Variants in IL12RB2 observed in about 807,000 individuals in gnomAD.
IL12RB2 encodes interleukin-12 receptor subunit beta-2.
A neutral mutation model predicts 89.4 loss-of-function variants in IL12RB2; 82 were observed. The observed-to-expected ratio is 0.92, with a 90% CI of 0.77 to 1.10. The LOEUF (loss-of-function observed/expected upper bound fraction) is 1.10. Ranked by LOEUF, IL12RB2 falls within the 50% of genes least tolerant of loss-of-function variation. IL12RB2 has a pLI of 0.00. For synonymous variants in IL12RB2, 368 were observed against 370.1 expected, an observed-to-expected ratio of 0.99 and a Z score of 0.07; for missense variants, 963 against 1,031.9, an observed-to-expected ratio of 0.93 and a Z score of 0.92.
intron 1 of IL12RB2, among the ~76,000 whole-genome samples, chr1:67,313,245 G>A (rs900926151): frequency 1.8e-4 from 26 of 141,384 alleles, no homozygotes; most frequent in African/African-American, 5.7e-4. Flanking sequence ...TTGTATGTGC[G>A]CTGAGTTTTG....
rs1290174148 is a variant in IL12RB2 at position 67,321,682 on chromosome 1, T to C, written c.157T>C (p.Leu53=). The C allele has an allele frequency of 6.2e-7, 1 of 1,605,918 alleles. No homozygotes were observed. The highest frequency in any genetic ancestry group is 8.5e-7 in the Non-Finnish European group (1 of 1,172,640). The stretch of plus-strand genomic sequence containing the variant: ...ATCCACTGTCAATATTACATGCTCT[T>C]TGAAGCCCAGACAAGGCTGCTTTCA... ...LGSTVNITCS[L]KPRQGCFHYS... Residue 53 remains leucine (L), a synonymous_variant, in exon 4 of 17, where the codon TTG becomes CTG. Transcript: ENST00000674203.
intron 4 of IL12RB2, 113 bp downstream of exon 4, chr1:67,322,002 C>T (rs552562806): frequency 2.0e-4 from 187 of 927,264 alleles, no homozygotes; most frequent in Non-Finnish European, 3.1e-4. Context: ...TTTCTTTTCC[C>T]ACCACATTGA....
chr1:67,382,443 C>G (rs1178172409), intron 14 of IL12RB2, among the ~76,000 whole-genome samples: 1 of 149,510 alleles, frequency 6.7e-6, no homozygotes, highest in Non-Finnish European at 1.5e-5. Flanking sequence ...CTTGTTGTAA[C>G]TCATCAGTGG....
rs937086164 is a variant in IL12RB2, at chr1:67,314,573, A to G, written c.-37+573A>G. Among the ~76,000 whole-genome samples the G allele has an allele frequency of 1.8e-4, 28 of 152,318 alleles. No individual in the cohort carries two copies. The South Asian group carries it at 2.9e-3, about 16-fold the overall frequency. ...CATTCACCTTTTTCTTTTCCTTAAT[A>G]CCACTATTTCCCTTGACCTTAATAC... is the stretch of plus-strand genomic sequence containing the variant. On this transcript the variant is annotated intron_variant, in intron 2 of 16. Coordinates refer to ENST00000674203, the MANE Select transcript of IL12RB2 (RefSeq NM_001374259.2).
chr1:67,370,033 A>C (rs1349060029), intron 11 of IL12RB2, among the ~76,000 whole-genome samples: 1 of 151,862 alleles, frequency 6.6e-6, no homozygotes, highest in Admixed American at 6.6e-5. Context: ...AAAAAAAAAA[A>C]AAACAATATA....
chr1:67,335,854 G>A (rs1428000631), intron 8 of IL12RB2, among the ~76,000 whole-genome samples: 5 of 152,138 alleles, frequency 3.3e-5, no homozygotes, highest in African/African-American at 4.8e-5. Context: ...TCTCTCCCAT[G>A]AAGGTATACA....
In IL12RB2 at chr1:67,351,036, C is replaced by T. The variant is rs1211868014; in HGVS notation, c.1205C>T (p.Ser402Leu). 6.2e-7 allele frequency: 1 copy of T among 1,613,748 alleles called. No homozygotes were observed. Among genetic ancestry groups the T allele is most frequent in the East Asian group, 2.2e-5 (1 of 44,900 alleles). ...NWAVAVSAANSKGSSLPTRIN... is the reference protein window; with the variant it reads ...NWAVAVSAANLKGSSLPTRIN... ...GCTGTGGCTGTGTCTGCAGCAAATTCAAAAGGCAGTTCTCTGCCCACTCGT... is the reference window on the plus strand; with the variant it reads ...GCTGTGGCTGTGTCTGCAGCAAATTTAAAAGGCAGTTCTCTGCCCACTCGT... Residue 402 changes from serine to leucine, a missense_variant, in exon 10 of 17, where the codon TCA becomes TTA. Physicochemically the swap from Ser to Leu is moderately radical, Grantham distance 145. Transcript: ENST00000674203.
At chr1:67,307,681 G>A (rs1192952448), upstream of IL12RB2, 2 of 152,426 alleles carry the variant, frequency 1.3e-5, no homozygotes, top group East Asian at 3.9e-4. Flanking sequence ...GCGCCCGCCC[G>A]GCTGCGCTTC....
Position 67,396,484 on chromosome 1 carries a change from G to A in IL12RB2, c.*395G>A. 1 of 349,932 alleles carries A rather than the reference G, an allele frequency of 2.9e-6. No individual in the cohort carries two copies. The highest frequency in any genetic ancestry group is 7.1e-5 in the East Asian group (1 of 14,142). The allele number at this position is 349,932 out of a possible 1,614,324, so 21.7% of individuals were successfully genotyped here. The stretch of plus-strand genomic sequence containing the variant: ...TTTCTAAAGCACCTGCTACACAGCA[G>A]GCTGTACACAGCAGATCAGTACTGT... On this transcript the variant is annotated 3_prime_UTR_variant, in exon 17 of 17. Coordinates refer to ENST00000674203, the MANE Select transcript of IL12RB2 (RefSeq NM_001374259.2).
rs191377276 is a variant in IL12RB2, at chr1:67,328,252, T to A, written c.532T>A (p.Cys178Ser). Residue 178 changes from cysteine to serine, a missense_variant, in exon 6 of 17, where the codon TGT (cysteine) becomes AGT (serine). By Grantham distance (112) the Cys-to-Ser change is moderately radical. Transcript: ENST00000674203. ...GCAGAAGCAATGTAAAGACATTTAT[T>A]GTGACTATTTGGACTTTGGAATCAA... ...TWQKQCKDIY[C>S]DYLDFGINLT... 1.1e-4 allele frequency: 184 copies of A among 1,614,214 alleles called. No individual in the cohort carries two copies. The East Asian group carries it at 3.9e-3, about 35-fold the overall frequency.
intron 13 of IL12RB2, among the ~76,000 whole-genome samples, chr1:67,374,973 G>A (rs1157995741): frequency 2.0e-5 from 3 of 151,892 alleles, no homozygotes; most frequent in Non-Finnish European, 4.4e-5. Flanking sequence ...GAGGGAGAGT[G>A]CAGATTCACA....
At chr1:67,325,464 G>A (rs1657159734) in intron 4 of IL12RB2, among the ~76,000 whole-genome samples, 1 of 152,206 alleles carries the variant, frequency 6.6e-6, no homozygotes, top group Non-Finnish European at 1.5e-5. Context: ...GTTTCACCAT[G>A]TTGGCCAAGC....
chr1:67,354,553 G>A (rs1201396219), intron 10 of IL12RB2, among the ~76,000 whole-genome samples: 2 of 152,146 alleles, frequency 1.3e-5, no homozygotes, highest in Admixed American at 6.5e-5. Context: ...CTTCAGAGCC[G>A]AGCTGTCGTT....
intron 11 of IL12RB2, 30 bp downstream of exon 11, chr1:67,368,055 G>C: frequency 7.2e-7 from 1 of 1,384,654 alleles, no homozygotes; most frequent in Non-Finnish European, 1.0e-6. Context: ...CCTTCTAGAG[G>C]GTTACTAAGT....
chr1:67,351,521 G>A (rs760606931), intron 10 of IL12RB2, among the ~76,000 whole-genome samples: 1 of 152,108 alleles, frequency 6.6e-6, no homozygotes, highest in African/African-American at 2.4e-5. Flanking sequence ...CCAAAGTCGG[G>A]GATGGTGGTG....
At chr1:67,349,240 C>T (rs184086301) in intron 9 of IL12RB2, among the ~76,000 whole-genome samples, 6 of 152,282 alleles carry the variant, frequency 3.9e-5, no homozygotes, top group Admixed American at 3.3e-4. Context: ...ACTGAAGCCT[C>T]TTGGGTCCCT....
chr1:67,308,160 C>A (rs1172006948), intron 1 of IL12RB2, among the ~76,000 whole-genome samples, 193 bp downstream of exon 1: 4 of 152,030 alleles, frequency 2.6e-5, no homozygotes, highest in Non-Finnish European at 5.9e-5. Context: ...GGCTTCTCTT[C>A]ATCACAGTCC....
intron 10 of IL12RB2, among the ~76,000 whole-genome samples, chr1:67,362,930 GTCT>G (rs1182741271): frequency 6.6e-6 from 1 of 150,534 alleles, no homozygotes; most frequent in Non-Finnish European, 1.5e-5. Flanking sequence ...TTGTGACGGA[GTCT>G]TGCTCTGTCA....
At chr1:67,344,442 G>A (rs1659994054) in intron 9 of IL12RB2, among the ~76,000 whole-genome samples, 1 of 152,070 alleles carries the variant, frequency 6.6e-6, no homozygotes, top group South Asian at 2.1e-4. Context: ...ACAGGTGTGT[G>A]CCACCATGCC....
Sources: gnomAD v4.1 joint callset for allele counts (sites outside exome capture counted in the v4.1 genomes callset) on GRCh38, gnomAD v4.1.1 for gene constraint, MANE v1.5 for transcripts, NCBI Gene and HGNC (gene_info 2026-07-23, HGNC 2026-07-21) for gene names.